ADAMTS19: variants seen among roughly 807,000 people sequenced by gnomAD.
ADAMTS19 encodes the protein A disintegrin and metalloproteinase with thrombospondin motifs 19.
A neutral mutation model predicts 153.3 loss-of-function variants in ADAMTS19; 93 were observed. The ratio of observed to expected loss-of-function variants is 0.61; its 90% CI spans 0.51 to 0.72. The LOEUF (loss-of-function observed/expected upper bound fraction) is 0.72. ADAMTS19 is among the 30% of genes least tolerant of loss of function. The probability of loss-of-function intolerance (pLI) is 0.00; values close to 1 mark genes in which losing one functional copy is unlikely to be tolerated. For missense variants in ADAMTS19, 1,482 were observed against 1,552.1 expected, an observed-to-expected ratio of 0.95 and a Z score of 0.76; for synonymous variants, 600 against 556.6, an observed-to-expected ratio of 1.08 and a Z score of -1.10.
chr5:129,672,535 G>A (rs1754349894), intron 16 of ADAMTS19, among the ~76,000 whole-genome samples: 1 of 152,178 alleles, frequency 6.6e-6, no homozygotes, highest in South Asian at 2.1e-4. Flanking sequence ...GGGAGCTCTA[G>A]TAGGAGAGCC....
At chr5:129,519,310 T>C (rs942823159) in intron 3 of ADAMTS19, among the ~76,000 whole-genome samples, 5 of 152,082 alleles carry the variant, frequency 3.3e-5, no homozygotes, top group African/African-American at 1.2e-4. Flanking sequence ...CAACTCTAAC[T>C]GGCACCCTAT....
At chr5:129,720,192 G>A (rs1756935401) in intron 21 of ADAMTS19, among the ~76,000 whole-genome samples, 1 of 140,930 alleles carries the variant, frequency 7.1e-6, no homozygotes, top group South Asian at 2.2e-4. Flanking sequence ...TTTTTTTGGA[G>A]ACAAAGTCTT....
At chr5:129,723,679 T>C (rs1757094115) in intron 21 of ADAMTS19, among the ~76,000 whole-genome samples, 1 of 152,166 alleles carries the variant, frequency 6.6e-6, no homozygotes, top group Non-Finnish European at 1.5e-5. Flanking sequence ...AAAAGAAATA[T>C]AAGGTTGTCA....
chr5:129,589,209 C>T (rs761304319), intron 7 of ADAMTS19, among the ~76,000 whole-genome samples: 2 of 150,392 alleles, frequency 1.3e-5, no homozygotes, highest in African/African-American at 2.5e-5. Flanking sequence ...TTATTACTAT[C>T]ACTGTTTTTT....
At chr5:129,682,739 G>A (rs944235919) in intron 17 of ADAMTS19, among the ~76,000 whole-genome samples, 2 of 152,094 alleles carry the variant, frequency 1.3e-5, no homozygotes, top group African/African-American at 2.4e-5. Context: ...TAAGTACTAT[G>A]ATAGAATTAG....
chr5:129,507,441 A>C (rs1213161575), intron 2 of ADAMTS19, among the ~76,000 whole-genome samples: 1 of 151,968 alleles, frequency 6.6e-6, no homozygotes, highest in African/African-American at 2.4e-5. Context: ...CAAGGGAAAA[A>C]CTGCTGGATT....
intron 21 of ADAMTS19, among the ~76,000 whole-genome samples, chr5:129,710,186 T>C (rs9784686): frequency 0.041 from 6,253 of 152,246 alleles, 409 homozygotes; most frequent in African/African-American, 0.14. Context: ...TGTGTTCTCA[T>C]TGTTCATCTC....
chr5:129,506,736 T>C (rs1322237251), intron 2 of ADAMTS19, among the ~76,000 whole-genome samples: 1 of 152,006 alleles, frequency 6.6e-6, no homozygotes, highest in African/African-American at 2.4e-5. Flanking sequence ...CTCAAATGTT[T>C]GGATGCTTAT....
chr5:129,694,678 A>T (rs1225354644), intron 18 of ADAMTS19, 42 bp from the exon 19 acceptor site: 1 of 1,423,676 alleles, frequency 7.0e-7, no homozygotes, highest in East Asian at 2.6e-5. Context: ...CCATTACATA[A>T]AGGCTTATAA....
At chr5:129,636,606 T>G (rs965206132) in intron 10 of ADAMTS19, among the ~76,000 whole-genome samples, 1 of 152,202 alleles carries the variant, frequency 6.6e-6, no homozygotes, top group Non-Finnish European at 1.5e-5. Context: ...CTTCTGCCAG[T>G]AGCTATGTAT....
At chr5:129,466,339 T>C (rs1254801568) in intron 2 of ADAMTS19, among the ~76,000 whole-genome samples, 1 of 137,306 alleles carries the variant, frequency 7.3e-6, no homozygotes, top group African/African-American at 3.4e-5. Context: ...GAAAATAATA[T>C]TAAGAGTCTC....
intron 2 of ADAMTS19, among the ~76,000 whole-genome samples, chr5:129,505,784 G>A (rs887460654): frequency 6.6e-6 from 1 of 152,160 alleles, no homozygotes; most frequent in Admixed American, 6.6e-5. Context: ...AAATGCCTAT[G>A]AAGATAGAAA....
Position 129,562,074 on chromosome 5 carries a change from G to A in ADAMTS19, c.1372+10167G>A, listed in dbSNP as rs144678614. Among the ~76,000 whole-genome samples, 746 of 152,218 alleles carry A rather than the reference G, an allele frequency of 4.9e-3. 5 individuals are homozygous for A. Among genetic ancestry groups the A allele is most frequent in the African/African-American group, 0.017 (692 of 41,518 alleles). ...GTTCACTTTGTTCATTTTTAGGCAA[G>A]TATTGCTCAGATTTCCAAGTCTGAA... On this transcript the variant is annotated intron_variant, in intron 7 of 22. Transcript: ENST00000274487.
At chr5:129,734,844 T>C in intron 21 of ADAMTS19, 88 bp from the exon 22 acceptor site, 2 of 1,182,580 alleles carry the variant, frequency 1.7e-6, no homozygotes, top group Non-Finnish European at 1.1e-6. Context: ...TTAAGAAACA[T>C]TTAGAGAATG....
intron 18 of ADAMTS19, among the ~76,000 whole-genome samples, chr5:129,686,785 T>A (rs1310084176): frequency 6.6e-6 from 1 of 152,256 alleles, no homozygotes; most frequent in Admixed American, 6.5e-5. Context: ...GGTGAAGTTA[T>A]AAGGAATTCA....
chr5:129,463,710 C>T (rs1029221271), intron 2 of ADAMTS19, among the ~76,000 whole-genome samples: 2 of 152,136 alleles, frequency 1.3e-5, no homozygotes, highest in Non-Finnish European at 2.9e-5. Flanking sequence ...GGTTTGTTCC[C>T]TGATGATTGA....
intron 8 of ADAMTS19, among the ~76,000 whole-genome samples, chr5:129,617,665 C>G (rs2126970120): frequency 6.6e-6 from 1 of 152,084 alleles, no homozygotes; most frequent in East Asian, 1.9e-4. Context: ...AGAGAGGAGA[C>G]AGGACACTGA....
chr5:129,646,134 C>T (rs1395483686), intron 11 of ADAMTS19, among the ~76,000 whole-genome samples: 4 of 151,460 alleles, frequency 2.6e-5, no homozygotes, highest in South Asian at 2.1e-4. Context: ...GTGATCCGCC[C>T]GCCTCGGCCT....
intron 6 of ADAMTS19, among the ~76,000 whole-genome samples, chr5:129,549,630 C>G (rs1199704635): frequency 2.0e-5 from 3 of 151,278 alleles, no homozygotes; most frequent in Non-Finnish European, 4.4e-5. Flanking sequence ...AGTCTTTTGT[C>G]AGTACAATGT....
Sources: gnomAD v4.1 joint callset for allele counts (sites outside exome capture counted in the v4.1 genomes callset) on GRCh38, gnomAD v4.1.1 for gene constraint, MANE v1.5 for transcripts, NCBI Gene and HGNC (gene_info 2026-07-23, HGNC 2026-07-21) for gene names.